Variants in TRHDE observed in about 807,000 individuals in gnomAD.
TRHDE encodes the protein thyrotropin releasing hormone degrading enzyme.
In TRHDE, 72 loss-of-function variants were observed where a neutral mutation model predicts 125.7. That is an observed-to-expected ratio of 0.57 (90% CI 0.47 to 0.70). TRHDE has a LOEUF of 0.70. Ranked by LOEUF, TRHDE falls within the 30% of genes least tolerant of loss-of-function variation. The pLI is 0.00. For missense variants in TRHDE, 1,110 were observed against 1,327.1 expected, an observed-to-expected ratio of 0.84 and a Z score of 2.54; for synonymous variants, 509 against 509.1, an observed-to-expected ratio of 1.00 and a Z score of 0.00.
In TRHDE at chr12:72,226,833, C is replaced by T. The variant is rs570900815; in HGVS notation, n.279+121081C>T. Among the ~76,000 whole-genome samples the T allele has an allele frequency of 4.7e-4, 71 of 152,200 alleles. 1 individual carries two copies. Among genetic ancestry groups the T allele is most frequent in the Admixed American group, 1.2e-3 (19 of 15,288 alleles). On this transcript the variant is annotated intron_variant and non_coding_transcript_variant, in intron 2 of 4. Transcript: ENST00000548156. ...GCTGAGAAACTACAGATTTTTGTTACGATTCTATCAGAGGATAATTAGCTG... is the reference window on the plus strand; with the variant it reads ...GCTGAGAAACTACAGATTTTTGTTATGATTCTATCAGAGGATAATTAGCTG...
chr12:72,346,354 T>C (rs973696902), intron 2 of TRHDE, among the ~76,000 whole-genome samples: 2 of 152,188 alleles, frequency 1.3e-5, no homozygotes, highest in African/African-American at 4.8e-5. Context: ...GCATGCAAGC[T>C]GTCCCTCACA....
At chr12:72,389,748 C>A (rs1219792448) in intron 3 of TRHDE, among the ~76,000 whole-genome samples, 1 of 152,168 alleles carries the variant, frequency 6.6e-6, no homozygotes, top group Non-Finnish European at 1.5e-5. Flanking sequence ...GTTAGGTCTT[C>A]AGCATGTGCA....
chr12:72,399,446 A>G (rs1466272564), intron 3 of TRHDE, among the ~76,000 whole-genome samples: 1 of 152,180 alleles, frequency 6.6e-6, no homozygotes, highest in Non-Finnish European at 1.5e-5. Flanking sequence ...CTAATATTTT[A>G]TTTATTTAAT....
chr12:72,126,256 G>A (rs1008902713), intron 2 of TRHDE, among the ~76,000 whole-genome samples: 1 of 152,014 alleles, frequency 6.6e-6, no homozygotes, highest in Non-Finnish European at 1.5e-5. Flanking sequence ...TTAAAAGATC[G>A]GTGTTGTTAA....
At chr12:72,660,109 G>T (rs562803417) in intron 18 of TRHDE, among the ~76,000 whole-genome samples, 1 of 152,096 alleles carries the variant, frequency 6.6e-6, no homozygotes, top group Non-Finnish European at 1.5e-5. Flanking sequence ...TGGGACAGGG[G>T]GCCCTTCCCT....
At chr12:72,653,827 T>G (rs1874602946) in intron 17 of TRHDE, among the ~76,000 whole-genome samples, 1 of 152,166 alleles carries the variant, frequency 6.6e-6, no homozygotes, top group South Asian at 2.1e-4. Flanking sequence ...TGCTTGTTTT[T>G]CTTTAACTTA....
At chr12:72,432,682 A>G (rs1365965979) in intron 3 of TRHDE, among the ~76,000 whole-genome samples, 2 of 152,164 alleles carry the variant, frequency 1.3e-5, no homozygotes, top group Non-Finnish European at 2.9e-5. Flanking sequence ...TTGGGAGGAG[A>G]AGAAGCAGGT....
intron 2 of TRHDE, among the ~76,000 whole-genome samples, chr12:72,369,694 C>T (rs1330136269): frequency 6.6e-6 from 1 of 152,054 alleles, no homozygotes; most frequent in Non-Finnish European, 1.5e-5. Context: ...AGAAAGTTGA[C>T]CCTCCAGTCC....
At chr12:72,163,554 T>G (rs1162926413) in intron 2 of TRHDE, among the ~76,000 whole-genome samples, 1 of 152,216 alleles carries the variant, frequency 6.6e-6, no homozygotes, top group African/African-American at 2.4e-5. Context: ...TGGATTTTGA[T>G]GTTGCTAGAC....
chr12:72,640,179 G>A (rs541315574), intron 15 of TRHDE, among the ~76,000 whole-genome samples: 132 of 152,368 alleles, frequency 8.7e-4, no homozygotes, highest in Non-Finnish European at 1.7e-3. Flanking sequence ...AGGACCCTCC[G>A]AGCCAGGTGC....
chr12:72,457,915 A>C (rs1229290609), intron 3 of TRHDE, among the ~76,000 whole-genome samples: 1 of 152,144 alleles, frequency 6.6e-6, no homozygotes, highest in East Asian at 1.9e-4. Context: ...ACTCCCTTCT[A>C]CTGGAAATGT....
intron 5 of TRHDE, among the ~76,000 whole-genome samples, chr12:72,474,556 A>T (rs499904): frequency 0.38 from 57,379 of 151,922 alleles, 12,957 homozygotes; most frequent in African/African-American, 0.62. Context: ...CTTGGCATGA[A>T]GTACCAAGTT....
intron 2 of TRHDE, among the ~76,000 whole-genome samples, chr12:72,210,774 A>T (rs2139361591): frequency 6.6e-6 from 1 of 152,374 alleles, no homozygotes; most frequent in African/African-American, 2.4e-5. Context: ...TAGTATAGTC[A>T]AAACAACCAA....
intron 6 of TRHDE, among the ~76,000 whole-genome samples, chr12:72,533,298 C>T (rs1194165676): frequency 6.6e-6 from 1 of 152,126 alleles, no homozygotes; most frequent in African/African-American, 2.4e-5. Context: ...CCTCAGCCTC[C>T]AGAGTAGCTG....
intron 18 of TRHDE, among the ~76,000 whole-genome samples, chr12:72,660,854 G>GA (rs1874890384): frequency 6.6e-6 from 1 of 152,138 alleles, no homozygotes; most frequent in South Asian, 2.1e-4. Flanking sequence ...AAGCAAACTA[G>GA]AATGCTAACT....
intron 12 of TRHDE, among the ~76,000 whole-genome samples, chr12:72,582,768 A>G (rs1206468107): frequency 6.6e-6 from 1 of 152,218 alleles, no homozygotes; most frequent in Non-Finnish European, 1.5e-5. Flanking sequence ...AATGGAGATA[A>G]CAGGACTACA....
chr12:72,223,994 G>A (rs1195146419), intron 2 of TRHDE, among the ~76,000 whole-genome samples: 2 of 151,816 alleles, frequency 1.3e-5, no homozygotes, highest in East Asian at 3.9e-4. Flanking sequence ...GGGTGAAGGA[G>A]AAATGTCTCC....
At chr12:72,342,053 G>A (rs982806817) in intron 2 of TRHDE, among the ~76,000 whole-genome samples, 1 of 151,666 alleles carries the variant, frequency 6.6e-6, no homozygotes, top group African/African-American at 2.4e-5. Flanking sequence ...AAAAAAAAAA[G>A]ACTTTAAAAA....
At chr12:72,529,115 C>T (rs1409159162) in intron 6 of TRHDE, among the ~76,000 whole-genome samples, 2 of 151,906 alleles carry the variant, frequency 1.3e-5, no homozygotes, top group Non-Finnish European at 2.9e-5. Flanking sequence ...CTAAAATACT[C>T]TTAGAAGGCT....
Sources: allele counts gnomAD v4.1 joint callset (sites outside exome capture counted in the v4.1 genomes callset), GRCh38; gene constraint gnomAD v4.1.1; transcripts MANE v1.5; gene names NCBI Gene and HGNC (gene_info 2026-07-23, HGNC 2026-07-21).